The following SORCS3 variants were observed in gnomAD, a reference collection of about 807,000 sequenced individuals.
The protein encoded by SORCS3 is sortilin related VPS10 domain containing receptor 3, also known as VPS10 domain-containing receptor SorCS3.
A neutral mutation model predicts 146.3 loss-of-function variants in SORCS3; 57 were observed. The observed-to-expected ratio is 0.39, with a 90% CI of 0.31 to 0.49. The LOEUF is 0.49. Ranked by LOEUF, SORCS3 falls within the 20% of genes least tolerant of loss-of-function variation. The pLI, the probability that SORCS3 is intolerant of heterozygous loss-of-function variation, is 0.92. For missense variants in SORCS3, 1,341 were observed against 1,575.5 expected (o/e 0.85, Z 2.52); for synonymous variants, 653 against 618.5 (o/e 1.06, Z -0.83).
intron 1 of SORCS3, among the ~76,000 whole-genome samples, chr10:104,648,559 C>T (rs1017484129): frequency 3.3e-5 from 5 of 152,138 alleles, no homozygotes; most frequent in African/African-American, 4.8e-5. Context: ...CCACCCACCG[C>T]GGTGGCTGCA....
chr10:104,717,626 A>G (rs1361452834), intron 1 of SORCS3, among the ~76,000 whole-genome samples: 1 of 152,136 alleles, frequency 6.6e-6, no homozygotes, highest in African/African-American at 2.4e-5. Context: ...GACAAGTAGG[A>G]GACCTCTGAG....
At chr10:104,778,936 A>G (rs1421678246) in intron 1 of SORCS3, among the ~76,000 whole-genome samples, 1 of 152,198 alleles carries the variant, frequency 6.6e-6, no homozygotes, top group African/African-American at 2.4e-5. Context: ...GGGACTTTGC[A>G]TACATGATTA....
At chr10:104,647,240 C>A (rs889933963) in intron 1 of SORCS3, among the ~76,000 whole-genome samples, 25 of 152,126 alleles carry the variant, frequency 1.6e-4, no homozygotes, top group African/African-American at 5.8e-4. Context: ...TGACTCTTCC[C>A]TGATTGACTC....
At chr10:105,221,496 A>G (rs2056702424) in intron 19 of SORCS3, among the ~76,000 whole-genome samples, 1 of 152,240 alleles carries the variant, frequency 6.6e-6, no homozygotes, top group Non-Finnish European at 1.5e-5. Flanking sequence ...AATATAAGGA[A>G]GGCAGAGCAA....
At chr10:104,780,238 G>A (rs868415910) in intron 1 of SORCS3, among the ~76,000 whole-genome samples, 1 of 151,864 alleles carries the variant, frequency 6.6e-6, no homozygotes, top group Non-Finnish European at 1.5e-5. Context: ...CACGCCACAC[G>A]TTCAGCGGCA....
At chr10:104,860,633 G>A (rs1041240163) in intron 2 of SORCS3, among the ~76,000 whole-genome samples, 1 of 152,118 alleles carries the variant, frequency 6.6e-6, no homozygotes, top group African/African-American at 2.4e-5. Flanking sequence ...AATAATGCTT[G>A]CTTACACTTA....
intron 3 of SORCS3, among the ~76,000 whole-genome samples, chr10:104,917,244 G>A (rs1400301825): frequency 1.3e-5 from 2 of 152,100 alleles, no homozygotes; most frequent in African/African-American, 4.8e-5. Context: ...TTGTCCCAAA[G>A]CATTGCCATT....
intron 7 of SORCS3, among the ~76,000 whole-genome samples, chr10:105,124,115 G>T (rs1345951894): frequency 6.6e-6 from 1 of 152,028 alleles, no homozygotes; most frequent in Non-Finnish European, 1.5e-5. Flanking sequence ...ATCAATCCCT[G>T]CAATTTATTT....
chr10:104,844,006 A>C (rs953278421), intron 2 of SORCS3, among the ~76,000 whole-genome samples: 1 of 152,172 alleles, frequency 6.6e-6, no homozygotes, highest in African/African-American at 2.4e-5. Flanking sequence ...ATGCTTCTTC[A>C]TCTGACCTGT....
intron 6 of SORCS3, among the ~76,000 whole-genome samples, chr10:105,102,469 G>T (rs1286949788): frequency 2.0e-5 from 3 of 152,170 alleles, no homozygotes; most frequent in African/African-American, 7.2e-5. Context: ...ATAAGTGGGA[G>T]CTAAACATTG....
At chr10:104,902,875 A>G (rs1341271685) in intron 2 of SORCS3, among the ~76,000 whole-genome samples, 1 of 152,198 alleles carries the variant, frequency 6.6e-6, no homozygotes, top group Non-Finnish European at 1.5e-5. Context: ...GCTAGTAGGT[A>G]GGAGAGCAGG....
intron 2 of SORCS3, among the ~76,000 whole-genome samples, chr10:104,887,256 C>T (rs191270416): frequency 1.1e-4 from 17 of 152,056 alleles, no homozygotes; most frequent in African/African-American, 1.9e-4. Flanking sequence ...TTTTTGGGTG[C>T]GAGTAGCTTA....
At chr10:104,856,183 C>A (rs2018329222) in intron 2 of SORCS3, among the ~76,000 whole-genome samples, 1 of 152,008 alleles carries the variant, frequency 6.6e-6, no homozygotes, top group South Asian at 2.1e-4. Flanking sequence ...TTTAATGAGA[C>A]CTACTGTGTA....
At chr10:104,778,401 G>A (rs2017337244) in intron 1 of SORCS3, among the ~76,000 whole-genome samples, 1 of 152,302 alleles carries the variant, frequency 6.6e-6, no homozygotes, top group African/African-American at 2.4e-5. Context: ...TTTGTTATTT[G>A]CCTATTCAGA....
chr10:105,028,352 G>T (rs891558339), intron 4 of SORCS3, among the ~76,000 whole-genome samples: 1 of 152,148 alleles, frequency 6.6e-6, no homozygotes, highest in Non-Finnish European at 1.5e-5. Context: ...AATGTCTCAG[G>T]GAAAGAAACT....
At chr10:105,231,948 T>C (rs2056768423) in intron 20 of SORCS3, among the ~76,000 whole-genome samples, 1 of 152,180 alleles carries the variant, frequency 6.6e-6, no homozygotes, top group African/African-American at 2.4e-5. Context: ...CTGAGAATTA[T>C]TGATCTTTAG....
chr10:104,918,137 A>T (rs1257133089), intron 3 of SORCS3, among the ~76,000 whole-genome samples: 1 of 152,204 alleles, frequency 6.6e-6, no homozygotes, highest in African/African-American at 2.4e-5. Context: ...TCTTTTACAC[A>T]TGTGATTAAA....
chr10:104,748,256 G>A (rs113544578), intron 1 of SORCS3, among the ~76,000 whole-genome samples: 46 of 152,182 alleles, frequency 3.0e-4, no homozygotes, highest in African/African-American at 9.9e-4. Flanking sequence ...ACTGAGTCCC[G>A]TTCAGTTTGT....
chr10:104,987,839 G>T (rs1052252947), intron 4 of SORCS3, among the ~76,000 whole-genome samples: 3 of 152,232 alleles, frequency 2.0e-5, no homozygotes, highest in Non-Finnish European at 2.9e-5. Context: ...TTGCTTATTT[G>T]CTTTGACAGC....
Sources: allele counts gnomAD v4.1 joint callset (sites outside exome capture counted in the v4.1 genomes callset), GRCh38; gene constraint gnomAD v4.1.1; transcripts MANE v1.5; gene names NCBI Gene and HGNC (gene_info 2026-07-23, HGNC 2026-07-21).